Variants in SORBS3 observed in about 807,000 individuals in gnomAD.
The protein encoded by SORBS3 is vinexin.
SORBS3 carries 69 observed loss-of-function variants against 98.0 expected under a neutral mutation model. That is an observed-to-expected ratio of 0.70 (90% CI 0.58 to 0.86). SORBS3 has a LOEUF of 0.86. Ranked by LOEUF, SORBS3 falls within the 40% of genes least tolerant of loss-of-function variation. SORBS3 has a pLI of 0.00. For synonymous variants in SORBS3, 394 were observed against 355.4 expected, an observed-to-expected ratio of 1.11 and a Z score of -1.22; for missense variants, 954 against 908.5, an observed-to-expected ratio of 1.05 and a Z score of -0.64.
chr8:22,564,819 G>A (rs1840370279), intron 10 of SORBS3: 2 of 1,310,304 alleles, frequency 1.5e-6, no homozygotes, highest in Non-Finnish European at 1.9e-6. Context: ...GAGAAGCTCC[G>A]AGGGCCTGAT....
At position 22,564,478 on chromosome 8, in the gene SORBS3, C is replaced by A. The variant is rs148709928; in HGVS notation, c.773C>A (p.Pro258Gln). 6.2e-7 allele frequency: 1 copy of A among 1,614,074 alleles called. No homozygotes were observed. The highest frequency in any genetic ancestry group is 1.7e-5 in the Admixed American group (1 of 60,020). ...CTTTCTACCCTTCAGCCCAAGAAAC[C>A]GCTGGTGGACGACCCTGGTGAGAAG... Reference protein sequence around the residue: ...ELETGQRPKKPLVDDPGEKPS... With the variant: ...ELETGQRPKKQLVDDPGEKPS... The change falls in exon 10 of 21, where the codon CCG becomes CAG. Residue 258 changes from proline to glutamine, a missense_variant. Transcript: ENST00000240123.
Position 22,575,198 on chromosome 8 carries a change from T to C in SORBS3, c.*470T>C, listed in dbSNP as rs542303279. The C allele has an allele frequency of 5.4e-5, 17 of 314,004 alleles. No individual in the cohort carries two copies. Among genetic ancestry groups the C allele is most frequent in the African/African-American group, 3.1e-4 (14 of 45,202 alleles). The allele number at this position is 314,004 out of a possible 1,614,324, so 19.5% of individuals were successfully genotyped here. A position where few individuals can be genotyped will look rare whatever the true frequency, so the allele number is the denominator to read the frequency against. On this transcript the variant is annotated 3_prime_UTR_variant, in exon 21 of 21. Coordinates refer to ENST00000240123, the MANE Select transcript of SORBS3 (RefSeq NM_005775.5). ...ACCCCAGCTTGCTGGCTGCCCTCTTTGCCTTCTGGCCTCCAGCTGGGTGTG... is the reference window on the plus strand; with the variant it reads ...ACCCCAGCTTGCTGGCTGCCCTCTTCGCCTTCTGGCCTCCAGCTGGGTGTG...
chr8:22,556,973 G>A, intron 4 of SORBS3, 65 bp downstream of exon 4: 1 of 1,567,460 alleles, frequency 6.4e-7, no homozygotes, highest in Non-Finnish European at 8.7e-7. Context: ...CTGCACTTCT[G>A]TGCATTAAAA....
chr8:22,548,332 C>T (rs1840037460), upstream of SORBS3, among the ~76,000 whole-genome samples: 1 of 152,162 alleles, frequency 6.6e-6, no homozygotes, highest in Admixed American at 6.5e-5. Flanking sequence ...ACAGAGGACC[C>T]AGGAGAAAGG....
At chr8:22,549,332 G>A (rs1840049688), upstream of SORBS3, among the ~76,000 whole-genome samples, 1 of 152,194 alleles carries the variant, frequency 6.6e-6, no homozygotes, top group Admixed American at 6.5e-5. Flanking sequence ...CCTTATCTAG[G>A]ACAATCTTCC....
intron 16 of SORBS3, among the ~76,000 whole-genome samples, chr8:22,568,202 C>T (rs534842384): frequency 6.6e-6 from 1 of 152,258 alleles, no homozygotes; most frequent in South Asian, 2.1e-4. Flanking sequence ...TTCTCTTATT[C>T]TGTCTAGAGC....
At chr8:22,566,557 C>CA in intron 13 of SORBS3, 73 bp downstream of exon 13, 1 of 1,586,178 alleles carries the variant, frequency 6.3e-7, no homozygotes, top group Non-Finnish European at 8.6e-7. Flanking sequence ...CCAGGGGTGG[C>CA]AGGTCACAGA....
rs1840498628 is a variant in SORBS3, at chr8:22,569,074, G to T, written c.1306-74G>T. The T allele has an allele frequency of 2.8e-6, 4 of 1,438,926 alleles. No individual in the cohort carries two copies. In the East Asian group the frequency reaches 1.1e-4, roughly 39 times the overall value. The allele number at this position is 1,438,926 out of a possible 1,614,324, so 89.1% of individuals were successfully genotyped here. ...GGGGCGGGCCCACCTTCTCTTTGCT[G>T]TCTCACAGGAACCCCCAGCCTGTGC... On this transcript the variant is annotated intron_variant, in intron 16 of 20. Coordinates refer to ENST00000240123, the MANE Select transcript of SORBS3 (RefSeq NM_005775.5).
chr8:22,551,573 G>T, upstream of SORBS3: 1 of 216,214 alleles, frequency 4.6e-6, no homozygotes, highest in Non-Finnish European at 7.9e-6. This position sits in a 1 kb window ranked among gnomAD's most constrained non-coding sequence, Gnocchi z 5.8. Context: ...CGCCAGCCCT[G>T]CGGTAGGGGC....
chr8:22,547,621 C>G (rs1291467019), upstream of SORBS3, among the ~76,000 whole-genome samples: 1 of 152,326 alleles, frequency 6.6e-6, no homozygotes, highest in East Asian at 1.9e-4. Context: ...GCTCCTGGGT[C>G]TGTGCCCTCC....
intron 14 of SORBS3, 35 bp from the exon 15 acceptor site, chr8:22,566,787 C>G (rs778633123): frequency 6.2e-7 from 1 of 1,613,990 alleles, no homozygotes; most frequent in South Asian, 1.1e-5. Context: ...ACCCGCCCAA[C>G]TGAGAGAGCC....
upstream of SORBS3, among the ~76,000 whole-genome samples, chr8:22,548,656 G>T (rs955542683): frequency 5.3e-5 from 8 of 152,120 alleles, no homozygotes; most frequent in African/African-American, 1.9e-4. Flanking sequence ...ACAGAGCTAG[G>T]GCCGCCTAGC....
At chr8:22,557,010 C>A (rs1840195920) in intron 4 of SORBS3, 102 bp downstream of exon 4, 2 of 1,288,416 alleles carry the variant, frequency 1.6e-6, no homozygotes, top group Non-Finnish European at 2.2e-6. Flanking sequence ...AAGGCCGCAC[C>A]CAAACCATCC....
intron 20 of SORBS3, among the ~76,000 whole-genome samples, chr8:22,573,789 T>A (rs1437990495): frequency 6.6e-6 from 1 of 152,260 alleles, no homozygotes; most frequent in Non-Finnish European, 1.5e-5. Context: ...TCAGTTTATA[T>A]TCCTATTTTT....
upstream of SORBS3, among the ~76,000 whole-genome samples, chr8:22,551,377 C>T (rs1248527433): frequency 6.6e-6 from 1 of 152,176 alleles, no homozygotes; most frequent in East Asian, 1.9e-4. This position sits in a 1 kb window ranked among gnomAD's most constrained non-coding sequence, Gnocchi z 5.8. Context: ...CCTCATCTCG[C>T]TCCCGGCCTG....
At chr8:22,557,955 C>T (rs564623715) in intron 4 of SORBS3, among the ~76,000 whole-genome samples, 174 bp from the exon 5 acceptor site, 7 of 152,154 alleles carry the variant, frequency 4.6e-5, no homozygotes, top group African/African-American at 7.2e-5. Context: ...TTATATAGGA[C>T]GTGTTACATG....
chr8:22,570,123 G>T (rs914413208), intron 17 of SORBS3, among the ~76,000 whole-genome samples: 1 of 152,182 alleles, frequency 6.6e-6, no homozygotes, highest in Non-Finnish European at 1.5e-5. Context: ...TCTGCCTTTG[G>T]TTGATTTTGG....
chr8:22,566,652 TCTC>T lies in SORBS3; in HGVS notation c.1091-7_1091-5del. On this transcript the variant is annotated splice_polypyrimidine_tract_variant and splice_region_variant and intron_variant, in intron 13 of 20. Coordinates refer to ENST00000240123, the MANE Select transcript of SORBS3 (RefSeq NM_005775.5). ...GGCCTCCCCAAGCTGAGGTTGTGCT[TCTC>T]CACAGACCCTAGTGCCTCTAACGGA... 1 of 1,598,780 alleles carries T rather than the reference TCTC, an allele frequency of 6.3e-7. No individual in the cohort carries two copies. Among genetic ancestry groups the T allele is most frequent in the Non-Finnish European group, 8.5e-7 (1 of 1,174,784 alleles).
At chr8:22,570,741 G>T (rs996387340) in intron 17 of SORBS3, among the ~76,000 whole-genome samples, 169 bp from the exon 18 acceptor site, 1 of 152,136 alleles carries the variant, frequency 6.6e-6, no homozygotes, top group Non-Finnish European at 1.5e-5. Flanking sequence ...CCTGGGCTTG[G>T]CTCCTGGCTC....
Sources: allele counts gnomAD v4.1 joint callset (sites outside exome capture counted in the v4.1 genomes callset), GRCh38; gene constraint gnomAD v4.1.1; non-coding constraint Gnocchi (gnomAD v3.1); transcripts MANE v1.5; gene names NCBI Gene and HGNC (gene_info 2026-07-23, HGNC 2026-07-21).